USP49: variants seen among roughly 807,000 people sequenced by gnomAD.
USP49 encodes ubiquitin specific peptidase 49.
USP49 carries 24 observed loss-of-function variants against 58.6 expected under a neutral mutation model. That is an observed-to-expected ratio of 0.41 (90% CI 0.30 to 0.58). USP49 has a LOEUF of 0.58. Ranked by LOEUF, USP49 falls within the 20% of genes least tolerant of loss-of-function variation. USP49 has a pLI of 0.30. For missense variants in USP49, 703 were observed against 866.1 expected (o/e 0.81, Z 2.36); for synonymous variants, 408 against 365.1 (o/e 1.12, Z -1.34).
chr6:41,885,865 C>G lies in USP49; in HGVS notation c.-103+5929G>C, dbSNP rs373526105. Among the ~76,000 whole-genome samples the G allele has an allele frequency of 8.5e-5, 13 of 152,270 alleles. No homozygotes were observed. The East Asian group carries it at 1.3e-3, about 16-fold the overall frequency. On this transcript the variant is annotated intron_variant, in intron 2 of 7. Coordinates refer to ENST00000682992, the MANE Select transcript of USP49 (RefSeq NM_001286554.2). ...CTGGGATAACAAGGTAAACTACACA[C>G]TGGGCCCAATTTGGGATTTTCAGCA...
chr6:41,863,076 C>G (rs957716981), intron 3 of USP49, among the ~76,000 whole-genome samples: 3 of 152,088 alleles, frequency 2.0e-5, no homozygotes, highest in Admixed American at 2.0e-4. Flanking sequence ...CGCACCTGGC[C>G]TCTCACACTT....
At chr6:41,798,481 G>C (rs1336967270) in intron 7 of USP49, 2 of 1,118,996 alleles carry the variant, frequency 1.8e-6, no homozygotes, top group Non-Finnish European at 2.4e-6. Context: ...TAACCATGTT[G>C]GCCAGGCTGG....
chr6:41,807,058 T>A (rs1773152405), intron 3 of USP49, 47 bp from the exon 4 acceptor site: 1 of 1,300,338 alleles, frequency 7.7e-7, no homozygotes, highest in Admixed American at 3.1e-5. Context: ...AGAAAACACT[T>A]TTAGAAAAAT....
chr6:41,831,130 G>A (rs756852192), intron 3 of USP49, among the ~76,000 whole-genome samples: 2 of 152,180 alleles, frequency 1.3e-5, no homozygotes, highest in Non-Finnish European at 2.9e-5. Context: ...AGTGGCTCAC[G>A]CCTGTAATAC....
intron 3 of USP49, among the ~76,000 whole-genome samples, chr6:41,854,975 C>G (rs562301244): frequency 6.6e-6 from 1 of 151,876 alleles, no homozygotes; most frequent in Non-Finnish European, 1.5e-5. Flanking sequence ...GGTTTCGCTA[C>G]GTTGGCCAGG....
At chr6:41,887,902 G>A (rs1774741949) in intron 2 of USP49, among the ~76,000 whole-genome samples, 1 of 152,116 alleles carries the variant, frequency 6.6e-6, no homozygotes, top group Non-Finnish European at 1.5e-5. Context: ...CTATTAACAT[G>A]TGAATGGAAA....
chr6:41,893,645 C>T (rs962551615), intron 1 of USP49, among the ~76,000 whole-genome samples: 3 of 152,162 alleles, frequency 2.0e-5, no homozygotes, highest in African/African-American at 7.2e-5. Context: ...AGGTTTTCAA[C>T]ACCCAGAGTT....
intron 3 of USP49, chr6:41,869,843 T>C (rs577700241): frequency 1.3e-5 from 2 of 152,330 alleles, no homozygotes; most frequent in East Asian, 3.9e-4. Context: ...ACAAGATACT[T>C]TTACAGGCAA....
intron 3 of USP49, among the ~76,000 whole-genome samples, chr6:41,864,486 C>T (rs1193948390): frequency 6.6e-6 from 1 of 152,188 alleles, no homozygotes; most frequent in Non-Finnish European, 1.5e-5. Flanking sequence ...TCACTTGAAC[C>T]TGGGAGGCGG....
intron 2 of USP49, among the ~76,000 whole-genome samples, chr6:41,883,353 CAAAAAAA>C (rs35851122): frequency 4.1e-5 from 2 of 49,072 alleles, no homozygotes; most frequent in Non-Finnish European, 8.5e-5. Context: ...GACTCTGTCT[CAAAAAAA>C]AAAAAAAAAA....
intron 2 of USP49, among the ~76,000 whole-genome samples, chr6:41,875,807 C>T (rs922660069): frequency 3.3e-5 from 5 of 152,170 alleles, no homozygotes; most frequent in African/African-American, 1.2e-4. Context: ...TCTTGGCTCA[C>T]TGCAACCTCC....
At chr6:41,808,656 C>CA (rs1164024848) in intron 3 of USP49, among the ~76,000 whole-genome samples, 4 of 152,148 alleles carry the variant, frequency 2.6e-5, no homozygotes, top group African/African-American at 9.7e-5. Context: ...GTGATCCGCC[C>CA]ACCTCAGCCT....
chr6:41,844,581 G>A (rs1459189864), intron 3 of USP49, among the ~76,000 whole-genome samples: 1 of 152,112 alleles, frequency 6.6e-6, no homozygotes, highest in African/African-American at 2.4e-5. Context: ...CCAAAGTGCT[G>A]GAATTACAGG....
Position 41,806,856 on chromosome 6 carries a change from TG to T in USP49, c.127del (p.His43ThrfsTer13). 1.2e-6 allele frequency: 2 copies of T among 1,614,004 alleles called. No homozygotes were observed. The highest frequency in any genetic ancestry group is 1.7e-6 in the Non-Finnish European group (2 of 1,179,994). On this transcript the variant is annotated frameshift_variant, in exon 4 of 8. Coordinates refer to ENST00000682992, the MANE Select transcript of USP49 (RefSeq NM_001286554.2). LOFTEE classifies it high-confidence loss of function. This position sits in a 1 kb window ranked among gnomAD's most constrained non-coding sequence, Gnocchi z 5.9. The part of the protein sequence containing the change: ...ESVWACLKCS[H>X]VACGRYIEDH... The stretch of plus-strand genomic sequence containing the variant: ...CTCAATATAGCGGCCGCAGGCCACG[TG>T]GGAGCACTTGAGGCAGGCCCACACG...
At chr6:41,864,687 T>G (rs1234390311) in intron 3 of USP49, among the ~76,000 whole-genome samples, 1 of 152,160 alleles carries the variant, frequency 6.6e-6, no homozygotes, top group Non-Finnish European at 1.5e-5. Context: ...GGAAAAAAAT[T>G]TGGGTCATTC....
intron 3 of USP49, among the ~76,000 whole-genome samples, chr6:41,809,468 T>C (rs923833007): frequency 2.0e-5 from 3 of 151,456 alleles, no homozygotes; most frequent in Non-Finnish European, 2.9e-5. Flanking sequence ...GAGGTTGCAG[T>C]GAGCCAAGAT....
intron 3 of USP49, among the ~76,000 whole-genome samples, chr6:41,843,997 T>C (rs997684267): frequency 1.1e-4 from 17 of 152,058 alleles, no homozygotes; most frequent in African/African-American, 3.6e-4. Context: ...TGAGCCAAGA[T>C]TGCACCATTG....
At chr6:41,809,368 T>C (rs985700140) in intron 3 of USP49, among the ~76,000 whole-genome samples, 3 of 148,248 alleles carry the variant, frequency 2.0e-5, no homozygotes, top group Non-Finnish European at 4.5e-5. Flanking sequence ...ACTAAAAAAA[T>C]AAAAAAATTA....
At chr6:41,825,830 G>A (rs1773528793) in intron 3 of USP49, among the ~76,000 whole-genome samples, 1 of 152,124 alleles carries the variant, frequency 6.6e-6, no homozygotes, top group Non-Finnish European at 1.5e-5. Context: ...ACAGCCTATA[G>A]CCAAGGGTAA....
Sources: gnomAD v4.1 joint callset for allele counts (sites outside exome capture counted in the v4.1 genomes callset) on GRCh38, gnomAD v4.1.1 for gene constraint, Gnocchi (gnomAD v3.1) non-coding constraint, MANE v1.5 for transcripts, NCBI Gene and HGNC (gene_info 2026-07-23, HGNC 2026-07-21) for gene names.